TMCO5A: variants seen among roughly 807,000 people sequenced by gnomAD.
TMCO5A encodes transmembrane and coiled-coil domain-containing protein 5A.
In TMCO5A, 34 loss-of-function variants were observed where a neutral mutation model predicts 42.3. The observed-to-expected ratio is 0.80, with a 90% confidence interval of 0.61 to 1.07. The LOEUF (loss-of-function observed/expected upper bound fraction) is 1.07, where lower values mean the gene tolerates loss of function less well. Ranked by LOEUF, TMCO5A falls within the 50% of genes least tolerant of loss-of-function variation. The pLI is 0.00. For missense variants in TMCO5A, 357 were observed against 327.9 expected (o/e 1.09, Z -0.69); for synonymous variants, 131 against 115.6 (o/e 1.13, Z -0.86).
At chr15:37,986,791 G>A in the TMCO5A span, among the ~76,000 whole-genome samples, 2 of 151,602 alleles carry the variant, frequency 1.3e-5, no homozygotes, top group Non-Finnish European at 2.9e-5. Context: ...TTCTTTTTAA[G>A]ACTGAATAAT....
the TMCO5A span, among the ~76,000 whole-genome samples, chr15:38,022,745 G>C: frequency 6.6e-6 from 1 of 152,122 alleles, no homozygotes; most frequent in East Asian, 1.9e-4. Context: ...GGGAGGTTAT[G>C]CATATGTGGA....
the TMCO5A span, among the ~76,000 whole-genome samples, chr15:38,028,600 G>C: frequency 6.6e-6 from 1 of 152,096 alleles, no homozygotes; most frequent in African/African-American, 2.4e-5. Flanking sequence ...CACAAATATT[G>C]AAAGAGTGTA....
At chr15:37,938,953 C>T (rs187771991) in intron 6 of TMCO5A, among the ~76,000 whole-genome samples, 2 of 152,220 alleles carry the variant, frequency 1.3e-5, no homozygotes, top group African/African-American at 4.8e-5. Context: ...TTTGCCAACA[C>T]TGACATACTG....
At chr15:38,035,337 A>C in the TMCO5A span, among the ~76,000 whole-genome samples, 1 of 152,230 alleles carries the variant, frequency 6.6e-6, no homozygotes, top group African/African-American at 2.4e-5. Flanking sequence ...GCCTAAATAT[A>C]GTGCCATTTA....
At chr15:37,947,840 G>T (rs1363386057) in intron 11 of TMCO5A, 144 bp downstream of exon 11, 4 of 540,654 alleles carry the variant, frequency 7.4e-6, no homozygotes, top group Non-Finnish European at 1.3e-5. Flanking sequence ...GCAAACTAAT[G>T]TCTTTGACTG....
At chr15:37,962,266 C>T (rs531768140) in intron 11 of TMCO5A, among the ~76,000 whole-genome samples, 1 of 152,170 alleles carries the variant, frequency 6.6e-6, no homozygotes. Flanking sequence ...TGTATTTTGT[C>T]AAACGCTTTT....
At chr15:38,017,428 A>G in the TMCO5A span, among the ~76,000 whole-genome samples, 14 of 152,224 alleles carry the variant, frequency 9.2e-5, no homozygotes, top group Non-Finnish European at 1.6e-4. Flanking sequence ...TGCTCTGTGC[A>G]AAGCAACTCC....
At chr15:38,022,056 C>T in the TMCO5A span, among the ~76,000 whole-genome samples, 1 of 152,138 alleles carries the variant, frequency 6.6e-6, no homozygotes, top group East Asian at 1.9e-4. Context: ...ATGATCTACC[C>T]GTGTTGGCCT....
intron 5 of TMCO5A, among the ~76,000 whole-genome samples, chr15:37,937,840 C>T (rs910811344): frequency 2.0e-5 from 3 of 152,108 alleles, no homozygotes; most frequent in Admixed American, 6.6e-5. Flanking sequence ...AGTGGGCTTC[C>T]AATGACTACC....
At chr15:37,952,623 G>A (rs543689969), downstream of TMCO5A, among the ~76,000 whole-genome samples, 1 of 152,316 alleles carries the variant, frequency 6.6e-6, no homozygotes, top group South Asian at 2.1e-4. Flanking sequence ...CTGGCTTCAG[G>A]TGAGACTCAG....
rs1447345756 is a variant in TMCO5A at position 37,937,362 on chromosome 15, C to T, written c.281C>T (p.Thr94Met). Residue 94 changes from threonine to methionine, a missense_variant, in exon 5 of 12, where the codon ACG becomes ATG. By Grantham distance (81) the Thr-to-Met change is moderately conservative. Coordinates refer to ENST00000319669, the MANE Select transcript of TMCO5A (RefSeq NM_152453.4). ...ETARLERKNK[T>M]LVHSITELQQ... ...CTCTCACAGGAAAGGAAGAATAAGACGTTGGTCCACAGTATAACAGAACTT... is the reference window on the plus strand; with the variant it reads ...CTCTCACAGGAAAGGAAGAATAAGATGTTGGTCCACAGTATAACAGAACTT... The T allele has an allele frequency of 4.3e-6, 7 of 1,612,878 alleles. No homozygotes were observed. The highest frequency in any genetic ancestry group is 3.3e-5 in the Admixed American group (2 of 59,884).
intron 5 of TMCO5A, 150 bp downstream of exon 5, chr15:37,937,546 G>T: frequency 1.3e-6 from 1 of 759,944 alleles, no homozygotes; most frequent in South Asian, 1.8e-5. Flanking sequence ...ACTCTCCTGA[G>T]GCCAAGGTTC....
At chr15:38,019,922 A>G in the TMCO5A span, among the ~76,000 whole-genome samples, 1 of 151,828 alleles carries the variant, frequency 6.6e-6, no homozygotes, top group Admixed American at 6.6e-5. Flanking sequence ...CTGTGGTTCT[A>G]TGGACTTGGA....
the TMCO5A span, among the ~76,000 whole-genome samples, chr15:37,975,384 G>T: frequency 1.4e-5 from 2 of 144,818 alleles, no homozygotes; most frequent in Admixed American, 6.7e-5. Context: ...CTCTTTGTAG[G>T]TCTTTAAGAA....
Position 37,936,983 on chromosome 15 carries a change from T to G in TMCO5A, c.264+13T>G, listed in dbSNP as rs562538894. The G allele has an allele frequency of 1.9e-6, 3 of 1,611,598 alleles. No homozygotes were observed. Among genetic ancestry groups the G allele is most frequent in the East Asian group, 4.5e-5 (2 of 44,734 alleles). On this transcript the variant is annotated intron_variant, in intron 4 of 11. Coordinates refer to ENST00000319669, the MANE Select transcript of TMCO5A (RefSeq NM_152453.4). ...AACAGCCAGACTTGTAAGCAAGAAG[T>G]TGGGAAGAGCCATTTAATAGGTTGC...
the TMCO5A span, among the ~76,000 whole-genome samples, chr15:37,986,199 A>T: frequency 5.9e-5 from 9 of 152,290 alleles, no homozygotes; most frequent in Non-Finnish European, 2.9e-5. Context: ...CATAGTGAAC[A>T]TTCAACAAAT....
chr15:37,942,181 C>A lies in TMCO5A; in HGVS notation c.505-10C>A. The A allele has an allele frequency of 6.2e-7, 1 of 1,611,498 alleles. No individual in the cohort carries two copies. The highest frequency in any genetic ancestry group is 8.5e-7 in the Non-Finnish European group (1 of 1,178,696). ...GTAGTAACTGTGGCTTTCTTTGTTT[C>A]TCTTTGAAGAAGTACCAGGAAACGT... On this transcript the variant is annotated splice_polypyrimidine_tract_variant and intron_variant, in intron 8 of 11. Transcript: ENST00000319669.
At chr15:37,958,595 C>A (rs1415990704) in intron 11 of TMCO5A, among the ~76,000 whole-genome samples, 2 of 151,962 alleles carry the variant, frequency 1.3e-5, no homozygotes, top group African/African-American at 4.8e-5. Context: ...GTTAGAATGG[C>A]GATCATTAAA....
At chr15:37,955,032 A>T (rs957325973), downstream of TMCO5A, among the ~76,000 whole-genome samples, 1 of 146,788 alleles carries the variant, frequency 6.8e-6, no homozygotes, top group South Asian at 2.3e-4. Flanking sequence ...GAAAAGAAAG[A>T]AGGAAGAGAA....
Sources: allele counts gnomAD v4.1 joint callset (sites outside exome capture counted in the v4.1 genomes callset), GRCh38; gene constraint gnomAD v4.1.1; transcripts MANE v1.5; gene names NCBI Gene and HGNC (gene_info 2026-07-23, HGNC 2026-07-21).